CCDC178: variants seen among roughly 807,000 people sequenced by gnomAD.
The protein encoded by CCDC178 is coiled-coil domain containing 178.
A neutral mutation model predicts 117.4 loss-of-function variants in CCDC178; 126 were observed. That is an observed-to-expected ratio of 1.07 (90% CI 0.93 to 1.24). The LOEUF (loss-of-function observed/expected upper bound fraction) is 1.24, where lower values mean the gene tolerates loss of function less well. CCDC178 is among the 50% of genes most tolerant of loss of function. The pLI, the probability that CCDC178 is intolerant of heterozygous loss-of-function variation, is 0.00. For missense variants in CCDC178, 1,030 were observed against 986.9 expected, an observed-to-expected ratio of 1.04 and a Z score of -0.59; for synonymous variants, 283 against 313.4, an observed-to-expected ratio of 0.90 and a Z score of 1.02.
chr18:32,942,814 C>T (rs1335028112), intron 22 of CCDC178, among the ~76,000 whole-genome samples: 1 of 152,048 alleles, frequency 6.6e-6, no homozygotes, highest in African/African-American at 2.4e-5. Flanking sequence ...ATGACTTTTC[C>T]TATGCATACT....
chr18:33,023,453 C>T (rs2056163035), intron 21 of CCDC178, among the ~76,000 whole-genome samples: 1 of 152,086 alleles, frequency 6.6e-6, no homozygotes, highest in Non-Finnish European at 1.5e-5. Flanking sequence ...TGGAAAATAA[C>T]ACATTTCTAA....
At chr18:33,017,879 C>T (rs766575579) in intron 21 of CCDC178, among the ~76,000 whole-genome samples, 1 of 151,616 alleles carries the variant, frequency 6.6e-6, no homozygotes, top group Non-Finnish European at 1.5e-5. Context: ...AGTCATGAAC[C>T]TCTTAGACAT....
intron 9 of CCDC178, among the ~76,000 whole-genome samples, chr18:33,337,243 G>A (rs1388922844): frequency 6.7e-6 from 1 of 148,176 alleles, no homozygotes; most frequent in Non-Finnish European, 1.5e-5. Flanking sequence ...ATTAATTTTT[G>A]TACACAAAAT....
chr18:33,274,638 T>A (rs9962966), intron 12 of CCDC178, among the ~76,000 whole-genome samples: 10,469 of 152,134 alleles, frequency 0.069, 559 homozygotes, highest in African/African-American at 0.14. Context: ...TCTATTGTCT[T>A]GCCTCAGGTA....
chr18:33,134,837 C>G (rs1598917965), intron 20 of CCDC178, among the ~76,000 whole-genome samples: 1 of 151,880 alleles, frequency 6.6e-6, no homozygotes, highest in African/African-American at 2.4e-5. Flanking sequence ...GAGAAGATAC[C>G]AGCATGGTCA....
intron 21 of CCDC178, among the ~76,000 whole-genome samples, chr18:33,038,888 T>C (rs190754450): frequency 1.1e-4 from 17 of 152,094 alleles, no homozygotes; most frequent in Admixed American, 1.1e-3. Flanking sequence ...AGGACTCCCA[T>C]CAATTTAGTT....
chr18:33,352,226 C>A (rs117601979), intron 7 of CCDC178, among the ~76,000 whole-genome samples: 1 of 152,124 alleles, frequency 6.6e-6, no homozygotes, highest in Non-Finnish European at 1.5e-5. Context: ...TTCCTAGTAT[C>A]CTCTTTTAAT....
intron 21 of CCDC178, among the ~76,000 whole-genome samples, chr18:32,988,400 CA>C (rs2055314896): frequency 6.6e-6 from 1 of 152,082 alleles, no homozygotes; most frequent in Admixed American, 6.6e-5. Context: ...CGTGCCACTG[CA>C]TGCCAGCCTG....
At chr18:33,335,191 A>G (rs1380598767) in intron 9 of CCDC178, among the ~76,000 whole-genome samples, 1 of 151,818 alleles carries the variant, frequency 6.6e-6, no homozygotes, top group Non-Finnish European at 1.5e-5. Context: ...TTTTTTCCCT[A>G]ACTTCTAAAC....
chr18:33,202,816 T>G (rs969489777), intron 20 of CCDC178, among the ~76,000 whole-genome samples: 3 of 152,202 alleles, frequency 2.0e-5, no homozygotes, highest in African/African-American at 7.2e-5. Flanking sequence ...TTTCACTGAG[T>G]CCTCACAATA....
chr18:33,383,584 T>C (rs970206447), intron 5 of CCDC178, among the ~76,000 whole-genome samples: 2 of 151,718 alleles, frequency 1.3e-5, no homozygotes, highest in Admixed American at 6.6e-5. Flanking sequence ...GAGTCTGGAG[T>C]GGACACCTAG....
intron 20 of CCDC178, among the ~76,000 whole-genome samples, chr18:33,155,545 G>T (rs1013576515): frequency 9.9e-5 from 15 of 152,022 alleles, no homozygotes; most frequent in African/African-American, 3.6e-4. Context: ...AAAATCTCAG[G>T]TGCATTACTT....
intron 20 of CCDC178, among the ~76,000 whole-genome samples, chr18:33,186,630 G>C (rs1156355968): frequency 6.6e-6 from 1 of 152,104 alleles, no homozygotes; most frequent in East Asian, 1.9e-4. Flanking sequence ...TTTTATGTTG[G>C]GGTATTGAGA....
intron 20 of CCDC178, among the ~76,000 whole-genome samples, chr18:33,157,435 T>A (rs1476236958): frequency 6.6e-6 from 1 of 152,190 alleles, no homozygotes. Flanking sequence ...AATGAACTAA[T>A]ATGATTTTGT....
chr18:33,424,002 ATAAAC>A (rs1181813376), intron 2 of CCDC178, among the ~76,000 whole-genome samples: 1 of 152,208 alleles, frequency 6.6e-6, no homozygotes, highest in East Asian at 1.9e-4. Context: ...GCAATTAATA[ATAAAC>A]TACTTTCCTA....
chr18:33,200,638 C>A (rs1209095569), intron 20 of CCDC178, among the ~76,000 whole-genome samples: 1 of 152,192 alleles, frequency 6.6e-6, no homozygotes, highest in African/African-American at 2.4e-5. Flanking sequence ...GTTTTCACTA[C>A]TTGAAGTATT....
intron 20 of CCDC178, among the ~76,000 whole-genome samples, chr18:33,158,687 A>G (rs933699117): frequency 6.6e-6 from 1 of 152,036 alleles, no homozygotes; most frequent in Non-Finnish European, 1.5e-5. Context: ...TTCAAAGACA[A>G]TGATTTGTTT....
At chr18:33,056,448 C>G (rs967117731) in intron 21 of CCDC178, among the ~76,000 whole-genome samples, 1 of 152,048 alleles carries the variant, frequency 6.6e-6, no homozygotes, top group African/African-American at 2.4e-5. Flanking sequence ...TTGGTGACAA[C>G]ATATTGATAA....
At chr18:33,437,060 T>A (rs1468113226) in intron 2 of CCDC178, among the ~76,000 whole-genome samples, 2 of 152,190 alleles carry the variant, frequency 1.3e-5, no homozygotes, top group African/African-American at 4.8e-5. Flanking sequence ...TGGAGTTTCT[T>A]AAGCAATGGA....
Sources: gnomAD v4.1 joint callset for allele counts (sites outside exome capture counted in the v4.1 genomes callset) on GRCh38, gnomAD v4.1.1 for gene constraint, MANE v1.5 for transcripts, NCBI Gene and HGNC (gene_info 2026-07-23, HGNC 2026-07-21) for gene names.